The following AP3B1 variants were observed in gnomAD, a reference collection of about 807,000 sequenced individuals.
The protein encoded by AP3B1 is adaptor related protein complex 3 subunit beta 1.
In AP3B1, 61 loss-of-function variants were observed where a neutral mutation model predicts 132.5. That is an observed-to-expected ratio of 0.46 (90% CI 0.37 to 0.57). The LOEUF is 0.57. Ranked by LOEUF, AP3B1 falls within the 20% of genes least tolerant of loss-of-function variation. The pLI, the probability that AP3B1 is intolerant of heterozygous loss-of-function variation, is 0.00. For missense variants in AP3B1, 1,120 were observed against 1,289.4 expected (o/e 0.87, Z 2.01); for synonymous variants, 388 against 438.3 (o/e 0.89, Z 1.43).
chr5:78,069,878 G>C (rs1045893944), intron 22 of AP3B1, among the ~76,000 whole-genome samples: 1 of 152,108 alleles, frequency 6.6e-6, no homozygotes, highest in Admixed American at 6.5e-5. Flanking sequence ...AACCCAAATA[G>C]ACTGGTACTG....
chr5:78,277,288 G>T (rs1051481256), intron 1 of AP3B1, among the ~76,000 whole-genome samples: 16 of 152,286 alleles, frequency 1.1e-4, no homozygotes, highest in African/African-American at 3.9e-4. Context: ...TCCATTATAT[G>T]CCAGAAGCTG....
At chr5:78,077,866 C>A (rs756426036) in intron 22 of AP3B1, among the ~76,000 whole-genome samples, 1 of 152,198 alleles carries the variant, frequency 6.6e-6, no homozygotes, top group Non-Finnish European at 1.5e-5. Context: ...TGAGTTTCCT[C>A]ATAACACGCT....
At chr5:78,135,454 ACACCAACAAG>A (rs1234330348) in intron 15 of AP3B1, among the ~76,000 whole-genome samples, 5 of 152,170 alleles carry the variant, frequency 3.3e-5, no homozygotes, top group Non-Finnish European at 7.4e-5. Context: ...TGAATGAAAC[ACACCAACAAG>A]GTGGCAGTGG....
At chr5:78,167,928 G>T (rs1203307873) in intron 11 of AP3B1, among the ~76,000 whole-genome samples, 1 of 150,664 alleles carries the variant, frequency 6.6e-6, no homozygotes, top group Non-Finnish European at 1.5e-5. Flanking sequence ...CACTGCTTGG[G>T]TGACGGGTGC....
At position 78,002,847 on chromosome 5, in the gene AP3B1, T is replaced by G. The variant is rs941977192; in HGVS notation, c.*55A>C. ...TATTATAAATGAAAGGCAGCAGTAG[T>G]GGATGCCAGGCACTTTTGTTGTGTG... On this transcript the variant is annotated 3_prime_UTR_variant, in exon 27 of 27. Transcript: ENST00000255194. 9 of 1,602,418 alleles carry G rather than the reference T, an allele frequency of 5.6e-6. No homozygotes were observed. In the African/African-American group the frequency reaches 9.4e-5, roughly 17 times the overall value.
chr5:78,045,993 G>A (rs1470008756), intron 22 of AP3B1, among the ~76,000 whole-genome samples: 1 of 152,128 alleles, frequency 6.6e-6, no homozygotes, highest in Non-Finnish European at 1.5e-5. Context: ...CTCTACAATG[G>A]CAGAGGTGAG....
intron 3 of AP3B1, among the ~76,000 whole-genome samples, chr5:78,236,133 G>C (rs1244927002): frequency 1.3e-5 from 2 of 152,150 alleles, no homozygotes; most frequent in African/African-American, 4.8e-5. Context: ...TTTTGTAACA[G>C]AACATTAGGC....
chr5:78,190,672 T>C (rs1744790315), intron 7 of AP3B1, among the ~76,000 whole-genome samples: 1 of 152,200 alleles, frequency 6.6e-6, no homozygotes, highest in South Asian at 2.1e-4. Flanking sequence ...GGTTTACTCA[T>C]CTATAAAAGC....
chr5:78,107,689 T>C (rs1161142765), intron 20 of AP3B1, among the ~76,000 whole-genome samples: 1 of 152,048 alleles, frequency 6.6e-6, no homozygotes, highest in African/African-American at 2.4e-5. Flanking sequence ...AGCTGTCTTC[T>C]AAGGAAAGTG....
chr5:78,143,814 GACCAGCCTGGCCA>G (rs1753262883), intron 14 of AP3B1, among the ~76,000 whole-genome samples: 1 of 152,066 alleles, frequency 6.6e-6, no homozygotes, highest in Non-Finnish European at 1.5e-5. Flanking sequence ...AGGAGTTTGA[GACCAGCCTGGCCA>G]ACATGGTGAT....
chr5:78,074,781 T>C (rs1389534001), intron 22 of AP3B1, among the ~76,000 whole-genome samples: 1 of 152,140 alleles, frequency 6.6e-6, no homozygotes, highest in South Asian at 2.1e-4. Flanking sequence ...AAACCCCATC[T>C]CTACTAAAAA....
chr5:78,261,614 C>T (rs1342276553), intron 2 of AP3B1, among the ~76,000 whole-genome samples: 8 of 151,974 alleles, frequency 5.3e-5, no homozygotes, highest in African/African-American at 1.7e-4. Context: ...TACAGGCGCC[C>T]GCCACCACGC....
At chr5:78,143,279 A>G (rs977197208) in intron 14 of AP3B1, among the ~76,000 whole-genome samples, 4 of 152,130 alleles carry the variant, frequency 2.6e-5, no homozygotes, top group African/African-American at 9.6e-5. Context: ...AAATTAAAAT[A>G]TTGGAATACT....
At chr5:78,167,831 A>G (rs142126955) in intron 11 of AP3B1, among the ~76,000 whole-genome samples, 3 of 152,100 alleles carry the variant, frequency 2.0e-5, no homozygotes, top group African/African-American at 7.2e-5. Flanking sequence ...ATGCACAGAC[A>G]TAAGAATAAT....
At chr5:78,278,072 T>G (rs1025871673) in intron 1 of AP3B1, among the ~76,000 whole-genome samples, 2 of 152,174 alleles carry the variant, frequency 1.3e-5, no homozygotes, top group African/African-American at 4.8e-5. Context: ...ATGTTTCCTT[T>G]TATTGCTTCT....
At chr5:78,114,394 C>T (rs1347140814) in intron 18 of AP3B1, among the ~76,000 whole-genome samples, 2 of 152,034 alleles carry the variant, frequency 1.3e-5, no homozygotes, top group Non-Finnish European at 2.9e-5. Flanking sequence ...ATTCAAATCA[C>T]TTGGAAAGAC....
At chr5:78,121,875 T>A (rs368379886) in intron 17 of AP3B1, 2 of 152,378 alleles carry the variant, frequency 1.3e-5, no homozygotes, top group African/African-American at 2.4e-5. Flanking sequence ...TACCAAAGCC[T>A]GGCAGAGACA....
chr5:78,055,334 C>G (rs1374450371), intron 22 of AP3B1, among the ~76,000 whole-genome samples: 1 of 152,144 alleles, frequency 6.6e-6, no homozygotes, highest in Non-Finnish European at 1.5e-5. Flanking sequence ...TCTCATGAGG[C>G]AGAATTACAG....
chr5:78,066,628 A>T (rs1580303913), intron 22 of AP3B1, among the ~76,000 whole-genome samples: 3 of 152,208 alleles, frequency 2.0e-5, no homozygotes, highest in African/African-American at 7.2e-5. Context: ...AAAATGAATG[A>T]AAAGGAACAA....
Sources: allele counts gnomAD v4.1 joint callset (sites outside exome capture counted in the v4.1 genomes callset), GRCh38; gene constraint gnomAD v4.1.1; transcripts MANE v1.5; gene names NCBI Gene and HGNC (gene_info 2026-07-23, HGNC 2026-07-21).